The following GPR149 variants were observed in gnomAD, a reference collection of about 807,000 sequenced individuals.
GPR149 encodes the protein probable G protein-coupled receptor 149.
In GPR149, 50 loss-of-function variants were observed where a neutral mutation model predicts 50.2. The observed-to-expected ratio is 1.00, with a 90% CI of 0.79 to 1.26. The LOEUF (loss-of-function observed/expected upper bound fraction) is 1.26, where lower values mean the gene tolerates loss of function less well. Among genes scored for constraint, GPR149 ranks in the 50% most tolerant of loss-of-function variants. The pLI, the probability that GPR149 is intolerant of heterozygous loss-of-function variation, is 0.00. For synonymous variants in GPR149, 405 were observed against 358.2 expected (o/e 1.13, Z -1.48); for missense variants, 983 against 895.4 (o/e 1.10, Z -1.25).
rs187321240 is a variant in GPR149, at chr3:154,427,390, C to G, written c.1174+126G>C. 2.1e-4 allele frequency: 145 copies of G among 685,716 alleles called. No individual in the cohort carries two copies. In the Admixed American group the frequency reaches 3.0e-3, roughly 14 times the overall value. The allele number at this position is 685,716 out of a possible 1,614,324, so 42.5% of individuals were successfully genotyped here. ...TGTTTCATGTTATAATTTCTTCTCA[C>G]TATTTACCACTGACATTTATCCTTG... On this transcript the variant is annotated intron_variant, in intron 2 of 3. Transcript: ENST00000389740.
chr3:154,379,246 C>CA (rs59818930), intron 3 of GPR149, among the ~76,000 whole-genome samples: 5 of 123,732 alleles, frequency 4.0e-5, no homozygotes, highest in Non-Finnish European at 6.7e-5. Flanking sequence ...GACTCCGTCT[C>CA]AAAAAAAAAA....
rs375224516 is a variant in GPR149 at position 154,425,425 on chromosome 3, A to T, written c.1174+2091T>A. On this transcript the variant is annotated intron_variant, in intron 2 of 3. Transcript: ENST00000389740. ...GCTGATCAACCACCTGGCCCACCTAAGCATGTGCTACCTTTGGGGTTTTAA... is the reference window on the plus strand; with the variant it reads ...GCTGATCAACCACCTGGCCCACCTATGCATGTGCTACCTTTGGGGTTTTAA... Among the ~76,000 whole-genome samples, 12 of 152,218 alleles carry T rather than the reference A, an allele frequency of 7.9e-5. No individual in the cohort carries two copies. In the South Asian group the frequency reaches 1.9e-3, roughly 24 times the overall value.
At chr3:154,349,115 T>G (rs913197822) in intron 3 of GPR149, among the ~76,000 whole-genome samples, 2 of 151,770 alleles carry the variant, frequency 1.3e-5, no homozygotes, top group Non-Finnish European at 2.9e-5. Context: ...AGGGAAGATC[T>G]GAGAGAGAAA....
At chr3:154,404,167 G>T (rs1329996789) in intron 3 of GPR149, among the ~76,000 whole-genome samples, 2 of 152,130 alleles carry the variant, frequency 1.3e-5, no homozygotes, top group Non-Finnish European at 2.9e-5. Flanking sequence ...ATACATTTAA[G>T]TTTTTCCATA....
At chr3:154,390,172 C>T (rs1322473688) in intron 3 of GPR149, among the ~76,000 whole-genome samples, 2 of 151,966 alleles carry the variant, frequency 1.3e-5, no homozygotes, top group Non-Finnish European at 2.9e-5. Flanking sequence ...GGAGTGCGGA[C>T]ATAAACACAA....
At chr3:154,396,170 AGT>A (rs527817264) in intron 3 of GPR149, among the ~76,000 whole-genome samples, 159 of 152,324 alleles carry the variant, frequency 1.0e-3, no homozygotes, top group African/African-American at 3.8e-3. Context: ...ATGTTTGTTT[AGT>A]GTGGGATCAA....
At chr3:154,355,269 A>C (rs906249515) in intron 3 of GPR149, among the ~76,000 whole-genome samples, 3 of 152,086 alleles carry the variant, frequency 2.0e-5, no homozygotes, top group Non-Finnish European at 2.9e-5. Flanking sequence ...CTCGTGATCC[A>C]CCCACCTTGG....
At chr3:154,394,876 T>C (rs181784880) in intron 3 of GPR149, among the ~76,000 whole-genome samples, 15 of 152,280 alleles carry the variant, frequency 9.9e-5, no homozygotes, top group Admixed American at 6.5e-4. Flanking sequence ...GAGATATCAC[T>C]TCACATGTGT....
At chr3:154,369,439 C>A (rs1320502050) in intron 3 of GPR149, among the ~76,000 whole-genome samples, 2 of 152,192 alleles carry the variant, frequency 1.3e-5, no homozygotes, top group Non-Finnish European at 2.9e-5. Context: ...CTGTGCCAAG[C>A]CTGCAAGCTT....
At chr3:154,375,862 T>C (rs1406222536) in intron 3 of GPR149, among the ~76,000 whole-genome samples, 5 of 152,166 alleles carry the variant, frequency 3.3e-5, no homozygotes, top group Non-Finnish European at 7.4e-5. Context: ...CAAAAAGCCA[T>C]AGAAAACACA....
chr3:154,426,382 T>C (rs1712294531), intron 2 of GPR149, among the ~76,000 whole-genome samples: 2 of 152,164 alleles, frequency 1.3e-5, no homozygotes, highest in African/African-American at 4.8e-5. Flanking sequence ...TGTCGTTGAA[T>C]TGATGGCAGA....
chr3:154,425,233 C>T (rs1013723830), intron 2 of GPR149, among the ~76,000 whole-genome samples: 1 of 152,058 alleles, frequency 6.6e-6, no homozygotes. Context: ...ATTATATTTA[C>T]ATCTTCAACA....
intron 3 of GPR149, among the ~76,000 whole-genome samples, chr3:154,399,409 C>T (rs570647985): frequency 1.3e-5 from 2 of 152,164 alleles, no homozygotes; most frequent in Non-Finnish European, 2.9e-5. Flanking sequence ...ATATTTTTCA[C>T]ATAAAGATGG....
At chr3:154,417,777 A>G (rs1712029390) in intron 3 of GPR149, among the ~76,000 whole-genome samples, 1 of 152,110 alleles carries the variant, frequency 6.6e-6, no homozygotes, top group African/African-American at 2.4e-5. Flanking sequence ...TTTCTAAGTC[A>G]TCATTCACTT....
At chr3:154,389,253 T>C (rs1715112801) in intron 3 of GPR149, among the ~76,000 whole-genome samples, 1 of 152,144 alleles carries the variant, frequency 6.6e-6, no homozygotes, top group Non-Finnish European at 1.5e-5. Context: ...TAATTTACTT[T>C]GTGAGAAATC....
chr3:154,373,579 A>G (rs538080197), intron 3 of GPR149, among the ~76,000 whole-genome samples: 2 of 152,336 alleles, frequency 1.3e-5, no homozygotes, highest in South Asian at 4.1e-4. Context: ...ATCTGTCAGA[A>G]CTAGTCATCA....
Position 154,397,661 on chromosome 3 carries a change from C to G in GPR149, c.1623+23378G>C, listed in dbSNP as rs137971963. 1.1e-3 allele frequency among the ~76,000 whole-genome samples: 172 copies of G among 152,094 alleles called. 1 individual carries two copies. Among genetic ancestry groups the G allele is most frequent in the African/African-American group, 4.0e-3 (168 of 41,490 alleles). The stretch of plus-strand genomic sequence containing the variant: ...CTGCACATCACGAGTCCTAATTTGT[C>G]GCATTTTCTGACTTGCATGCTATAA... On this transcript the variant is annotated intron_variant, in intron 3 of 3. Coordinates refer to ENST00000389740, the MANE Select transcript of GPR149 (RefSeq NM_001038705.3).
rs375282483 is a variant in GPR149, at chr3:154,337,854, G to T, written c.2041C>A (p.Pro681Thr). The T allele has an allele frequency of 1.2e-6, 2 of 1,613,874 alleles. No homozygotes were observed. The highest frequency in any genetic ancestry group is 1.7e-6 in the Non-Finnish European group (2 of 1,179,950). ...ATGGAGATATTAATATCACCATCAG[G>T]ATTACTGGTGGGCAAAAAGAGGGAG... Reference protein sequence around the residue: ...SYSLFLPTSNPDGDINISIPD... With the variant: ...SYSLFLPTSNTDGDINISIPD... Residue 681 changes from proline to threonine, a missense_variant, in exon 4 of 4, where the codon CCT becomes ACT. Transcript: ENST00000389740.
chr3:154,365,649 T>G (rs1046926468), intron 3 of GPR149, among the ~76,000 whole-genome samples: 2 of 152,182 alleles, frequency 1.3e-5, no homozygotes, highest in South Asian at 2.1e-4. Flanking sequence ...TGCCTAGAGA[T>G]TTCTTCCACC....
Sources: gnomAD v4.1 joint callset for allele counts (sites outside exome capture counted in the v4.1 genomes callset) on GRCh38, gnomAD v4.1.1 for gene constraint, MANE v1.5 for transcripts, NCBI Gene and HGNC (gene_info 2026-07-23, HGNC 2026-07-21) for gene names.